PPM1A: variants seen among roughly 807,000 people sequenced by gnomAD.
PPM1A encodes protein phosphatase 1A.
In PPM1A, 7 loss-of-function variants were observed where a neutral mutation model predicts 35.0. The observed-to-expected ratio is 0.20, with a 90% CI of 0.11 to 0.38. PPM1A has a LOEUF of 0.38. PPM1A is among the 10% of genes least tolerant of loss of function. The pLI, the probability that PPM1A is intolerant of heterozygous loss-of-function variation, is 1.00. For synonymous variants in PPM1A, 153 were observed against 167.3 expected, an observed-to-expected ratio of 0.91 and a Z score of 0.66; for missense variants, 239 against 467.8, an observed-to-expected ratio of 0.51 and a Z score of 4.51.
intron 1 of PPM1A, among the ~76,000 whole-genome samples, chr14:60,252,144 T>C (rs1480154878): frequency 6.6e-6 from 1 of 152,234 alleles, no homozygotes; most frequent in African/African-American, 2.4e-5. Context: ...TTTACTCTAA[T>C]AGCTAATAGA....
chr14:60,255,091 C>T (rs1296945332), intron 1 of PPM1A, among the ~76,000 whole-genome samples: 1 of 151,886 alleles, frequency 6.6e-6, no homozygotes, highest in Non-Finnish European at 1.5e-5. Flanking sequence ...TCATCTCTGA[C>T]CCCCAGAGTG....
In PPM1A at chr14:60,297,791, G is replaced by A. The variant is rs561139533; in HGVS notation, c.*5309G>A. ...TTCTTAACCTTTTGGGGTCACAGGCGTTTTGAGACTGATGAATCCTAGGGA... is the reference window on the plus strand; with the variant it reads ...TTCTTAACCTTTTGGGGTCACAGGCATTTTGAGACTGATGAATCCTAGGGA... On this transcript the variant is annotated 3_prime_UTR_variant, in exon 6 of 6. Transcript: ENST00000395076. 6.6e-6 allele frequency: 1 copy of A among 151,540 alleles called. No individual in the cohort carries two copies. Among genetic ancestry groups the A allele is most frequent in the South Asian group, 2.1e-4 (1 of 4,818 alleles). 9.4% of individuals were successfully genotyped at this position (151,540 alleles called of 1,614,324 possible).
At position 60,293,505 on chromosome 14, in the gene PPM1A, A is replaced by G. The variant is rs914644130; in HGVS notation, c.*1023A>G. ...GCATAGATGAAACTTTCCTTCCATT[A>G]GAAAGACTAAAAGATTTAATTCTTG... On this transcript the variant is annotated 3_prime_UTR_variant, in exon 6 of 6. Transcript: ENST00000395076. This position sits in a 1 kb window ranked among gnomAD's most constrained non-coding sequence, Gnocchi z 4.0. The G allele has an allele frequency of 3.9e-5, 6 of 152,044 alleles. No homozygotes were observed. Among genetic ancestry groups the G allele is most frequent in the African/African-American group, 1.2e-4 (5 of 41,428 alleles). The allele number at this position is 152,044 out of a possible 1,614,324, so 9.4% of individuals were successfully genotyped here. A position where few individuals can be genotyped will look rare whatever the true frequency, so the allele number is the denominator to read the frequency against.
rs771167744 is a variant in PPM1A, at chr14:60,283,489, T to C, written c.786T>C (p.Asp262=). 4 of 1,613,724 alleles carry C rather than the reference T, an allele frequency of 2.5e-6. No individual in the cohort carries two copies. In the African/African-American group the frequency reaches 5.3e-5, roughly 22 times the overall value. The part of the protein sequence containing the change: ...DFVRSRLEVT[D]DLEKVCNEVV... ...TAAGATCCAGACTTGAAGTCACTGATGACCTTGAGAAAGTTTGCAATGAAG... is the reference window on the plus strand; with the variant it reads ...TAAGATCCAGACTTGAAGTCACTGACGACCTTGAGAAAGTTTGCAATGAAG... Residue 262 remains aspartate (D), a synonymous_variant, in exon 2 of 6, where the codon GAT becomes GAC. Coordinates refer to ENST00000395076, the MANE Select transcript of PPM1A (RefSeq NM_021003.5). This position sits in a 1 kb window ranked among gnomAD's most constrained non-coding sequence, Gnocchi z 6.3.
At chr14:60,250,956 C>T (rs1318685596) in intron 1 of PPM1A, among the ~76,000 whole-genome samples, 1 of 152,202 alleles carries the variant, frequency 6.6e-6, no homozygotes, top group African/African-American at 2.4e-5. Flanking sequence ...TTCTGTAACT[C>T]CTTATTTTAC....
intron 1 of PPM1A, among the ~76,000 whole-genome samples, chr14:60,260,656 A>T (rs1883646574): frequency 6.6e-6 from 1 of 152,136 alleles, no homozygotes; most frequent in South Asian, 2.1e-4. Flanking sequence ...CCTCCAAAAG[A>T]TACCCTGTAC....
chr14:60,267,743 TAC>T (rs1444928260), intron 1 of PPM1A, among the ~76,000 whole-genome samples: 5 of 152,268 alleles, frequency 3.3e-5, no homozygotes, highest in African/African-American at 9.6e-5. Context: ...GCAAAAATAA[TAC>T]AGTGAACTTC....
In PPM1A at chr14:60,249,265, G is replaced by T. The variant is rs1256599976; in HGVS notation, c.-433G>T. Reference sequence around the variant, plus strand: ...GTGGCGGCGCTAGGGACGGGAGCGCGCGCGGGAGCTAGAGAGCAGTGGTCT... The same window carrying T: ...GTGGCGGCGCTAGGGACGGGAGCGCTCGCGGGAGCTAGAGAGCAGTGGTCT... On this transcript the variant is annotated 5_prime_UTR_variant, in exon 1 of 6. Coordinates refer to ENST00000395076, the MANE Select transcript of PPM1A (RefSeq NM_021003.5). The surrounding 1 kb of genome is among the most constrained non-coding windows in gnomAD (Gnocchi z 4.5). 2 of 986,716 alleles carry T rather than the reference G, an allele frequency of 2.0e-6. No individual in the cohort carries two copies. The highest frequency in any genetic ancestry group is 1.8e-5 in the African/African-American group (1 of 56,838). The allele number at this position is 986,716 out of a possible 1,614,324, so 61.1% of individuals were successfully genotyped here. A position where few individuals can be genotyped will look rare whatever the true frequency, so the allele number is the denominator to read the frequency against.
chr14:60,264,235 C>T (rs1278619915), intron 1 of PPM1A, among the ~76,000 whole-genome samples: 2 of 152,112 alleles, frequency 1.3e-5, no homozygotes, highest in Non-Finnish European at 2.9e-5. Flanking sequence ...TCAGCAACCT[C>T]AGTATATTAT....
chr14:60,286,258 T>C (rs1386821863), intron 3 of PPM1A: 1 of 985,850 alleles, frequency 1.0e-6, no homozygotes, highest in Non-Finnish European at 1.2e-6. Context: ...GCTTCTTCCC[T>C]AAGCCATAAA....
Position 60,293,831 on chromosome 14 carries a change from A to G in PPM1A, c.*1349A>G, listed in dbSNP as rs1887857273. The G allele has an allele frequency of 1.3e-5, 2 of 151,988 alleles. No homozygotes were observed. The highest frequency in any genetic ancestry group is 1.3e-4 in the Admixed American group (2 of 15,220). The allele number at this position is 151,988 out of a possible 1,614,324, so 9.4% of individuals were successfully genotyped here. A position where few individuals can be genotyped will look rare whatever the true frequency, so the allele number is the denominator to read the frequency against. On this transcript the variant is annotated 3_prime_UTR_variant, in exon 6 of 6. Transcript: ENST00000395076. The surrounding 1 kb of genome is among the most constrained non-coding windows in gnomAD (Gnocchi z 4.0). ...ACAAATAACTTTCAAAGCTTAAGGA[A>G]TTGTAGATATAAAAATAACCTAATT...
chr14:60,252,941 C>G (rs1396692798), intron 1 of PPM1A, among the ~76,000 whole-genome samples: 1 of 152,074 alleles, frequency 6.6e-6, no homozygotes, highest in Non-Finnish European at 1.5e-5. Flanking sequence ...CAGGTCAGAG[C>G]TAGAGAAAGT....
rs1435302023 is a variant in PPM1A at position 60,292,539 on chromosome 14, C to G, written c.*57C>G. 2.0e-6 allele frequency: 3 copies of G among 1,478,054 alleles called. No homozygotes were observed. In the South Asian group the frequency reaches 3.5e-5, roughly 17 times the overall value. The allele number at this position is 1,478,054 out of a possible 1,614,324, so 91.6% of individuals were successfully genotyped here. A position where few individuals can be genotyped will look rare whatever the true frequency, so the allele number is the denominator to read the frequency against. ...ACCTCCAAAGGAGAGTACAGCTCAA[C>G]TTTGTTGAAACTTTTAACATCCATC... is the stretch of plus-strand genomic sequence containing the variant. On this transcript the variant is annotated 3_prime_UTR_variant, in exon 6 of 6. Transcript: ENST00000395076. The surrounding 1 kb of genome is among the most constrained non-coding windows in gnomAD (Gnocchi z 4.2).
intron 1 of PPM1A, among the ~76,000 whole-genome samples, chr14:60,254,023 G>A (rs1013621005): frequency 6.6e-6 from 1 of 152,144 alleles, no homozygotes; most frequent in Non-Finnish European, 1.5e-5. Context: ...AAGATTTAAT[G>A]AAATAATTAT....
chr14:60,253,929 G>A (rs1882738800), intron 1 of PPM1A, among the ~76,000 whole-genome samples: 1 of 152,194 alleles, frequency 6.6e-6, no homozygotes, highest in Non-Finnish European at 1.5e-5. Context: ...TTCGTAGCCA[G>A]GTGTTCCTGG....
intron 1 of PPM1A, among the ~76,000 whole-genome samples, chr14:60,278,402 T>C (rs1193900860): frequency 6.6e-6 from 1 of 151,574 alleles, no homozygotes; most frequent in African/African-American, 2.4e-5. Context: ...TTACCTTAGA[T>C]GAACCAAAGG....
Position 60,297,240 on chromosome 14 carries a change from G to C in PPM1A, c.*4758G>C, listed in dbSNP as rs1281937731. ...AACCGGGCTGAAAATGAGAAAACTT[G>C]GGAGATGGAGGAATGGGGAAATGGC... On this transcript the variant is annotated 3_prime_UTR_variant, in exon 6 of 6. Transcript: ENST00000395076. 8 of 151,630 alleles carry C rather than the reference G, an allele frequency of 5.3e-5. No individual in the cohort carries two copies. The highest frequency in any genetic ancestry group is 3.9e-4 in the East Asian group (2 of 5,184). 9.4% of individuals were successfully genotyped at this position (151,630 alleles called of 1,614,324 possible).
Position 60,283,962 on chromosome 14 carries a change from A to C in PPM1A, c.834+425A>C. ...TTGAAACTAAGGTTTAATGGTCTGT[A>C]GCACTTGAAAGAGGAATGTAGTGAT... On this transcript the variant is annotated intron_variant, in intron 2 of 5. Transcript: ENST00000395076. This position sits in a 1 kb window ranked among gnomAD's most constrained non-coding sequence, Gnocchi z 6.3. 6.6e-6 allele frequency among the ~76,000 whole-genome samples: 1 copy of C among 152,256 alleles called. No individual in the cohort carries two copies. Among genetic ancestry groups the C allele is most frequent in the Non-Finnish European group, 1.5e-5 (1 of 68,042 alleles).
upstream of PPM1A, among the ~76,000 whole-genome samples, chr14:60,248,157 C>A (rs1303539711): frequency 6.6e-6 from 1 of 152,146 alleles, no homozygotes. Context: ...CATTCTATCC[C>A]CGGCGTCTGC....
Sources: allele counts gnomAD v4.1 joint callset (sites outside exome capture counted in the v4.1 genomes callset), GRCh38; gene constraint gnomAD v4.1.1; non-coding constraint Gnocchi (gnomAD v3.1); transcripts MANE v1.5; gene names NCBI Gene and HGNC (gene_info 2026-07-23, HGNC 2026-07-21).